DYM: variants seen among roughly 807,000 people sequenced by gnomAD.
The protein encoded by DYM is dyggve-Melchior-Clausen syndrome protein.
DYM carries 78 observed loss-of-function variants against 93.1 expected under a neutral mutation model. The ratio of observed to expected loss-of-function variants is 0.84; its 90% CI spans 0.70 to 1.01. DYM has a LOEUF of 1.01. Among genes scored for constraint, DYM ranks in the 50% least tolerant of loss-of-function variants. DYM has a pLI of 0.00. For synonymous variants in DYM, 321 were observed against 319.7 expected, an observed-to-expected ratio of 1.00 and a Z score of -0.04; for missense variants, 789 against 845.0, an observed-to-expected ratio of 0.93 and a Z score of 0.82.
chr18:49,191,213 C>T (rs898512892), intron 14 of DYM, among the ~76,000 whole-genome samples: 1 of 152,032 alleles, frequency 6.6e-6, no homozygotes, highest in East Asian at 1.9e-4. Context: ...ATAATAAATA[C>T]AATTGTTAGT....
intron 6 of DYM, among the ~76,000 whole-genome samples, chr18:49,361,432 CA>C (rs2066008912): frequency 6.6e-6 from 1 of 152,214 alleles, no homozygotes; most frequent in African/African-American, 2.4e-5. Flanking sequence ...ATTATATCTC[CA>C]TGTAGACTGA....
intron 2 of DYM, among the ~76,000 whole-genome samples, chr18:49,399,642 C>T (rs1460798961): frequency 6.6e-6 from 1 of 152,146 alleles, no homozygotes; most frequent in Non-Finnish European, 1.5e-5. Context: ...ACCCCAACAC[C>T]CAACAGCTCT....
chr18:49,419,502 ATTT>A, intron 2 of DYM, among the ~76,000 whole-genome samples: 1 of 152,298 alleles, frequency 6.6e-6, no homozygotes, highest in South Asian at 2.1e-4. Context: ...TCCCGTCACT[ATTT>A]TTTAAGAAGT....
chr18:49,307,256 G>C (rs548931042), intron 8 of DYM, among the ~76,000 whole-genome samples: 3 of 152,136 alleles, frequency 2.0e-5, no homozygotes, highest in Admixed American at 1.3e-4. Flanking sequence ...AGGCAGCAGA[G>C]CTTGCACATT....
At chr18:49,316,484 G>A (rs1467236868) in intron 8 of DYM, among the ~76,000 whole-genome samples, 1 of 152,140 alleles carries the variant, frequency 6.6e-6, no homozygotes, top group Non-Finnish European at 1.5e-5. Flanking sequence ...ATGTTTTACT[G>A]CAATGATACT....
intron 15 of DYM, among the ~76,000 whole-genome samples, chr18:49,160,192 C>T (rs1015626626): frequency 7.2e-5 from 11 of 152,116 alleles, no homozygotes; most frequent in Non-Finnish European, 2.9e-5. Flanking sequence ...GGCATTCTCT[C>T]CCCCCACAGG....
At chr18:49,219,134 G>A (rs1202186428) in intron 13 of DYM, among the ~76,000 whole-genome samples, 5 of 152,066 alleles carry the variant, frequency 3.3e-5, no homozygotes, top group African/African-American at 4.8e-5. Flanking sequence ...ACACCTCTAC[G>A]CAAATAAACT....
At chr18:49,189,626 T>A (rs752808407) in intron 14 of DYM, among the ~76,000 whole-genome samples, 5 of 152,186 alleles carry the variant, frequency 3.3e-5, no homozygotes, top group Non-Finnish European at 7.3e-5. Flanking sequence ...ACATTTACAC[T>A]TTGTAACCAG....
intron 2 of DYM, among the ~76,000 whole-genome samples, chr18:49,399,934 CTTT>C (rs1201370040): frequency 8.5e-4 from 56 of 66,116 alleles, no homozygotes; most frequent in African/African-American, 2.3e-3. Flanking sequence ...TTTTATTTTT[CTTT>C]TTTTTTTTTT....
intron 6 of DYM, among the ~76,000 whole-genome samples, chr18:49,335,912 C>T (rs975280679): frequency 2.6e-5 from 4 of 152,060 alleles, no homozygotes; most frequent in African/African-American, 9.7e-5. Context: ...CTCCCAGGCT[C>T]AAGTGATCCT....
chr18:49,074,866 G>A (rs753576257), intron 17 of DYM, among the ~76,000 whole-genome samples: 5 of 152,246 alleles, frequency 3.3e-5, no homozygotes, highest in African/African-American at 4.8e-5. Context: ...GTTGCTTTCA[G>A]ATCGTCTCAA....
In DYM at chr18:49,044,022, C is replaced by G. The variant is rs577366992; in HGVS notation, c.*33G>C. On this transcript the variant is annotated 3_prime_UTR_variant, in exon 18 of 18. Coordinates refer to ENST00000675505, the MANE Select transcript of DYM (RefSeq NM_001353214.3). The stretch of plus-strand genomic sequence containing the variant: ...TAAAAGAACTTGAAGGGCTGCTTGG[C>G]TGGAGGGGTCCGGGTGGGAGAGCAT... The G allele has an allele frequency of 3.7e-6, 6 of 1,612,006 alleles. No homozygotes were observed. In the East Asian group the frequency reaches 1.1e-4, roughly 30 times the overall value.
chr18:49,231,379 A>T (rs2093689314), intron 13 of DYM, among the ~76,000 whole-genome samples: 1 of 152,180 alleles, frequency 6.6e-6, no homozygotes, highest in Admixed American at 6.5e-5. Flanking sequence ...TACGAGAACA[A>T]AACACAGAAC....
intron 17 of DYM, among the ~76,000 whole-genome samples, chr18:49,076,970 A>G (rs1382036848): frequency 1.3e-5 from 2 of 152,208 alleles, no homozygotes; most frequent in South Asian, 2.1e-4. Context: ...TCAGGTGGTG[A>G]AACATATGGT....
chr18:49,257,321 A>G (rs1349428432), intron 12 of DYM, among the ~76,000 whole-genome samples: 1 of 152,230 alleles, frequency 6.6e-6, no homozygotes, highest in Non-Finnish European at 1.5e-5. Context: ...GACAGTCTTC[A>G]TTATTCCCTC....
intron 6 of DYM, among the ~76,000 whole-genome samples, chr18:49,359,016 C>T (rs1013895542): frequency 6.6e-6 from 1 of 152,172 alleles, no homozygotes; most frequent in African/African-American, 2.4e-5. Context: ...CGGTTGGTTC[C>T]CACAAGTCTC....
intron 16 of DYM, among the ~76,000 whole-genome samples, chr18:49,101,694 AC>A (rs1430866688): frequency 3.3e-5 from 5 of 152,192 alleles, no homozygotes; most frequent in Non-Finnish European, 7.4e-5. Flanking sequence ...CATGTAAAAT[AC>A]ATATATATTT....
At chr18:49,122,445 G>A (rs2082463759) in intron 15 of DYM, among the ~76,000 whole-genome samples, 1 of 152,166 alleles carries the variant, frequency 6.6e-6, no homozygotes, top group Non-Finnish European at 1.5e-5. Flanking sequence ...CTTGTGAACT[G>A]CACGTGTGAG....
intron 6 of DYM, among the ~76,000 whole-genome samples, 182 bp downstream of exon 6, chr18:49,362,979 G>T (rs2066165535): frequency 1.3e-5 from 2 of 152,108 alleles, no homozygotes; most frequent in African/African-American, 4.8e-5. Context: ...TAACATTTTT[G>T]TTTTGACAAT....
Sources: gnomAD v4.1 joint callset for allele counts (sites outside exome capture counted in the v4.1 genomes callset) on GRCh38, gnomAD v4.1.1 for gene constraint, MANE v1.5 for transcripts, NCBI Gene and HGNC (gene_info 2026-07-23, HGNC 2026-07-21) for gene names.